The following ATPAF1 variants were observed in gnomAD, a reference collection of about 807,000 sequenced individuals.
ATPAF1 encodes ATP synthase mitochondrial F1 complex assembly factor 1, also known as homolog of yeast ATP11.
Under a neutral mutation model 43.9 loss-of-function variants are expected in ATPAF1, and 26 were observed. The ratio of observed to expected loss-of-function variants is 0.59; its 90% confidence interval spans 0.43 to 0.82. The LOEUF (loss-of-function observed/expected upper bound fraction) is 0.82, where lower values mean the gene tolerates loss of function less well. ATPAF1 is among the 40% of genes least tolerant of loss of function. ATPAF1 has a pLI of 0.00. For missense variants in ATPAF1, 366 were observed against 435.0 expected, an observed-to-expected ratio of 0.84 and a Z score of 1.41; for synonymous variants, 157 against 168.0, an observed-to-expected ratio of 0.93 and a Z score of 0.50.
intron 7 of ATPAF1, 44 bp downstream of exon 7, chr1:46,645,117 G>T: frequency 6.7e-7 from 1 of 1,501,350 alleles, no homozygotes; most frequent in African/African-American, 1.4e-5. Flanking sequence ...GTCCTACCAA[G>T]GGGTAGTCCT....
rs1676286897 is a variant in ATPAF1, at chr1:46,657,091, T to C, written c.489+1036A>G. Among the ~76,000 whole-genome samples the C allele has an allele frequency of 2.6e-5, 4 of 152,320 alleles. No homozygotes were observed. In the South Asian group the frequency reaches 8.3e-4, roughly 32 times the overall value. ...CAGCTCTACCACTGACTAAGTTACA[T>C]AATCTCTTTAAGTCACAGTTTCCTC... On this transcript the variant is annotated intron_variant, in intron 4 of 8. Transcript: ENST00000574428.
At position 46,654,555 on chromosome 1, in the gene ATPAF1, ATTATTG is replaced by A. The variant is rs879273298; in HGVS notation, c.490-694_490-689del. ...TATTATTATTATTATTATTATTATT[ATTATTG>A]TACTTTAAGTTCTAGGGTACATGTG... On this transcript the variant is annotated intron_variant, in intron 4 of 8. Transcript: ENST00000574428. Among the ~76,000 whole-genome samples, 602 of 148,548 alleles carry A rather than the reference ATTATTG, an allele frequency of 4.1e-3. 4 individuals carry two copies. Among genetic ancestry groups the A allele is most frequent in the African/African-American group, 0.014 (555 of 40,690 alleles).
exon 3 of ATPAF1, chr1:46,658,703 C>T (rs1280549082): frequency 6.2e-7 from 1 of 1,602,692 alleles, no homozygotes; most frequent in African/African-American, 1.3e-5. Flanking sequence ...CTTAGTGAAT[C>T]CTCTGTTCAC....
At chr1:46,662,239 A>G (rs998837891) in intron 2 of ATPAF1, among the ~76,000 whole-genome samples, 2 of 152,200 alleles carry the variant, frequency 1.3e-5, no homozygotes, top group African/African-American at 4.8e-5. Context: ...AGGGGCAAAG[A>G]ACATTCCTAT....
At chr1:46,649,496 G>A (rs1377951960) in intron 6 of ATPAF1, among the ~76,000 whole-genome samples, 1 of 152,138 alleles carries the variant, frequency 6.6e-6, no homozygotes, top group African/African-American at 2.4e-5. Context: ...TTTCAAAATT[G>A]TTTTAGCTAT....
intron 4 of ATPAF1, among the ~76,000 whole-genome samples, chr1:46,656,701 T>C (rs1294758730): frequency 6.6e-6 from 1 of 152,222 alleles, no homozygotes; most frequent in Non-Finnish European, 1.5e-5. Flanking sequence ...CAATGATACT[T>C]GTCATATGAT....
chr1:46,662,031 A>G (rs1379157061), intron 2 of ATPAF1, among the ~76,000 whole-genome samples: 3 of 151,816 alleles, frequency 2.0e-5, no homozygotes, highest in African/African-American at 4.8e-5. Context: ...AGTAGCTGGG[A>G]CTACAGGCGC....
intron 6 of ATPAF1, among the ~76,000 whole-genome samples, chr1:46,649,508 T>C (rs1676123742): frequency 6.6e-6 from 1 of 152,250 alleles, no homozygotes. Context: ...TTTAGCTATC[T>C]CAGTCCTTTA....
At chr1:46,656,509 CA>C (rs1463701569) in intron 4 of ATPAF1, among the ~76,000 whole-genome samples, 1 of 152,084 alleles carries the variant, frequency 6.6e-6, no homozygotes, top group African/African-American at 2.4e-5. Flanking sequence ...TTTTGCATGT[CA>C]AAACATTGTC....
intron 6 of ATPAF1, among the ~76,000 whole-genome samples, chr1:46,648,476 C>T (rs1308640813): frequency 6.6e-6 from 1 of 152,066 alleles, no homozygotes; most frequent in Non-Finnish European, 1.5e-5. Context: ...ATAACCTCCA[C>T]CTCCAGGGCT....
intron 1 of ATPAF1, 169 bp from the exon 2 acceptor site, chr1:46,665,533 GA>G (rs1231778904): frequency 2.4e-6 from 3 of 1,224,704 alleles, no homozygotes; most frequent in Non-Finnish European, 3.4e-6. Context: ...AAAGAAACTG[GA>G]AAAAGAAATC....
chr1:46,644,576 C>T (rs1426200133), intron 7 of ATPAF1, among the ~76,000 whole-genome samples: 1 of 152,014 alleles, frequency 6.6e-6, no homozygotes, highest in African/African-American at 2.4e-5. Flanking sequence ...TTTTTTGCCA[C>T]ATTTGACCTC....
chr1:46,663,867 A>T, intron 2 of ATPAF1: 1 of 1,263,076 alleles, frequency 7.9e-7, no homozygotes, highest in South Asian at 1.3e-5. Flanking sequence ...CACCTGGATT[A>T]CTCCATATTC....
chr1:46,632,958 C>T (rs893585188), downstream of ATPAF1: 2 of 152,580 alleles, frequency 1.3e-5, no homozygotes, highest in African/African-American at 4.8e-5. Context: ...CCTAAATATC[C>T]TATAGTTAGC....
At position 46,653,175 on chromosome 1, in the gene ATPAF1, TCCCACCCC is replaced by T. The variant is rs1011378868; in HGVS notation, c.541-555_541-548del. Among the ~76,000 whole-genome samples the T allele has an allele frequency of 5.3e-5, 8 of 152,078 alleles. No homozygotes were observed. The highest frequency in any genetic ancestry group is 4.2e-4 in the South Asian group (2 of 4,812). ...TGCTTGATAGAAACTTAACCTAAGCTCCCACCCCTCCTTCAGGGAAAAACAAAGAACTA... is the reference window on the plus strand; with the variant it reads ...TGCTTGATAGAAACTTAACCTAAGCTTCCTTCAGGGAAAAACAAAGAACTA... On this transcript the variant is annotated intron_variant, in intron 5 of 8. Transcript: ENST00000574428. This position sits in a 1 kb window ranked among gnomAD's most constrained non-coding sequence, Gnocchi z 4.8.
intron 4 of ATPAF1, among the ~76,000 whole-genome samples, chr1:46,657,647 G>C (rs995039029): frequency 2.6e-5 from 4 of 152,116 alleles, no homozygotes; most frequent in African/African-American, 7.2e-5. Context: ...CTAAAGCCCA[G>C]ACAAGTTGAT....
chr1:46,668,447 G>A, upstream of ATPAF1: 6 of 1,136,842 alleles, frequency 5.3e-6, no homozygotes, highest in Non-Finnish European at 6.5e-6. The surrounding 1 kb of genome is among the most constrained non-coding windows in gnomAD (Gnocchi z 4.4). Flanking sequence ...CGCGCCCAAG[G>A]TTCCGGGCGC....
intron 5 of ATPAF1, 65 bp from the exon 6 acceptor site, chr1:46,652,693 GTA>G: frequency 7.4e-7 from 1 of 1,350,936 alleles, no homozygotes; most frequent in Non-Finnish European, 1.0e-6. Flanking sequence ...ACTATCACAT[GTA>G]ATTCACCAAG....
At chr1:46,640,620 C>T (rs574581351) in intron 8 of ATPAF1, among the ~76,000 whole-genome samples, 7 of 148,892 alleles carry the variant, frequency 4.7e-5, no homozygotes, top group East Asian at 1.9e-4. Context: ...GCCAACACAG[C>T]GAGACTCTGT....
Sources: gnomAD v4.1 joint callset for allele counts (sites outside exome capture counted in the v4.1 genomes callset) on GRCh38, gnomAD v4.1.1 for gene constraint, Gnocchi (gnomAD v3.1) non-coding constraint, MANE v1.5 for transcripts, NCBI Gene and HGNC (gene_info 2026-07-23, HGNC 2026-07-21) for gene names.